TSPAN18: variants seen among roughly 807,000 people sequenced by gnomAD.
TSPAN18 encodes tetraspanin 18, also known as tetraspanin-18.
In TSPAN18, 14 loss-of-function variants were observed where a neutral mutation model predicts 27.3. That is an observed-to-expected ratio of 0.51 (90% CI 0.34 to 0.80). TSPAN18 has a LOEUF of 0.80. Ranked by LOEUF, TSPAN18 falls within the 30% of genes least tolerant of loss-of-function variation. The pLI is 0.01. For synonymous variants in TSPAN18, 143 were observed against 136.5 expected, an observed-to-expected ratio of 1.05 and a Z score of -0.33; for missense variants, 268 against 323.9, an observed-to-expected ratio of 0.83 and a Z score of 1.32.
Position 44,929,275 on chromosome 11 carries a change from G to T in TSPAN18, c.*97G>T. The T allele has an allele frequency of 6.7e-7, 1 of 1,499,020 alleles. No homozygotes were observed. The highest frequency in any genetic ancestry group is 9.2e-7 in the Non-Finnish European group (1 of 1,085,310). 92.9% of individuals were successfully genotyped at this position (1,499,020 alleles called of 1,614,324 possible). On this transcript the variant is annotated 3_prime_UTR_variant, in exon 10 of 10. Coordinates refer to ENST00000520358, the MANE Select transcript of TSPAN18 (RefSeq NM_130783.5). ...TCCCCGCTGTCCTCTTGGCCCCAGGGGAGAAGATGAGGCCATCAGAGATGG... is the reference window on the plus strand; with the variant it reads ...TCCCCGCTGTCCTCTTGGCCCCAGGTGAGAAGATGAGGCCATCAGAGATGG...
At chr11:44,840,752 C>T (rs1368281314) in intron 2 of TSPAN18, among the ~76,000 whole-genome samples, 7 of 152,222 alleles carry the variant, frequency 4.6e-5, no homozygotes, top group African/African-American at 1.2e-4. Context: ...CTTAACCTCA[C>T]TTTGCAGACA....
At chr11:44,745,512 T>C (rs1441295952) in intron 1 of TSPAN18, among the ~76,000 whole-genome samples, 3 of 152,120 alleles carry the variant, frequency 2.0e-5, no homozygotes, top group African/African-American at 7.2e-5. Context: ...AGCAAGAGAA[T>C]CTAAGGGAGT....
chr11:44,781,014 C>A (rs565423672), intron 2 of TSPAN18, among the ~76,000 whole-genome samples: 3 of 152,236 alleles, frequency 2.0e-5, no homozygotes, highest in Non-Finnish European at 2.9e-5. Context: ...TAAGAGAAAG[C>A]GGTTGCGAAA....
intron 2 of TSPAN18, among the ~76,000 whole-genome samples, chr11:44,769,513 C>T (rs1034726643): frequency 1.3e-5 from 2 of 152,152 alleles, no homozygotes; most frequent in Non-Finnish European, 2.9e-5. Context: ...CACCAGTGAA[C>T]TCACCTGGGC....
intron 2 of TSPAN18, among the ~76,000 whole-genome samples, chr11:44,786,203 G>T (rs1436722881): frequency 6.6e-6 from 1 of 152,250 alleles, no homozygotes; most frequent in Non-Finnish European, 1.5e-5. Flanking sequence ...GTGCCCAGTA[G>T]GCTGGGCATG....
intron 5 of TSPAN18, among the ~76,000 whole-genome samples, chr11:44,911,004 G>T (rs998501914): frequency 6.6e-6 from 1 of 152,220 alleles, no homozygotes; most frequent in Non-Finnish European, 1.5e-5. Context: ...TCTCGTTCTC[G>T]AGTCTCCTGG....
Position 44,833,000 on chromosome 11 carries a change from G to A in TSPAN18, c.-152-27328G>A, listed in dbSNP as rs532500848. On this transcript the variant is annotated intron_variant, in intron 2 of 9. Transcript: ENST00000520358. Reference sequence around the variant, plus strand: ...CCACACGCTGTCCTCTCCTGGGAATGCCCTTCTTCCCTTCTCTGCCTGCTT... The same window carrying A: ...CCACACGCTGTCCTCTCCTGGGAATACCCTTCTTCCCTTCTCTGCCTGCTT... Among the ~76,000 whole-genome samples the A allele has an allele frequency of 4.6e-5, 7 of 152,204 alleles. No homozygotes were observed. The East Asian group carries it at 1.4e-3, about 29-fold the overall frequency.
chr11:44,802,926 C>G (rs1282536314), intron 2 of TSPAN18, among the ~76,000 whole-genome samples: 1 of 152,058 alleles, frequency 6.6e-6, no homozygotes, highest in Non-Finnish European at 1.5e-5. Context: ...TGCACCAGCT[C>G]CAAGATGGTG....
intron 2 of TSPAN18, among the ~76,000 whole-genome samples, chr11:44,844,118 G>A (rs990017090): frequency 3.3e-5 from 5 of 152,184 alleles, no homozygotes; most frequent in African/African-American, 1.2e-4. Flanking sequence ...AATTACAAAA[G>A]TATTAATTTG....
At chr11:44,904,020 G>C (rs1859364199) in intron 3 of TSPAN18, 3 of 371,156 alleles carry the variant, frequency 8.1e-6, no homozygotes, top group Admixed American at 3.3e-5. Flanking sequence ...GTGGAGACTT[G>C]GGTGGATGAT....
intron 2 of TSPAN18, among the ~76,000 whole-genome samples, chr11:44,832,490 A>C (rs1372007507): frequency 6.6e-6 from 1 of 151,974 alleles, no homozygotes; most frequent in Non-Finnish European, 1.5e-5. Context: ...TAGACCCCCA[A>C]ATTCCACCTT....
chr11:44,910,677 G>A lies in TSPAN18; in HGVS notation c.258+778G>A, dbSNP rs144953487. 3.9e-3 allele frequency among the ~76,000 whole-genome samples: 595 copies of A among 152,360 alleles called. 2 individuals are homozygous for A. The highest frequency in any genetic ancestry group is 0.014 in the African/African-American group (571 of 41,576). ...TCTGAAACGGTATGATATGGCCTCT[G>A]AAGGTTTCTTATTCATCAAGTAAGT... On this transcript the variant is annotated intron_variant, in intron 5 of 9. Coordinates refer to ENST00000520358, the MANE Select transcript of TSPAN18 (RefSeq NM_130783.5).
intron 1 of TSPAN18, among the ~76,000 whole-genome samples, chr11:44,755,014 C>T (rs1017749780): frequency 2.0e-5 from 3 of 152,202 alleles, no homozygotes; most frequent in African/African-American, 7.2e-5. Context: ...CATGTGCTGT[C>T]TGCAGAAAAG....
intron 3 of TSPAN18, among the ~76,000 whole-genome samples, chr11:44,863,411 G>A (rs1857948420): frequency 6.6e-6 from 1 of 152,218 alleles, no homozygotes; most frequent in African/African-American, 2.4e-5. Context: ...ACTACAGCTT[G>A]GGTACGGAGT....
intron 1 of TSPAN18, among the ~76,000 whole-genome samples, chr11:44,750,662 T>G (rs773248105): frequency 4.0e-5 from 6 of 151,024 alleles, no homozygotes; most frequent in Non-Finnish European, 7.4e-5. Context: ...TCCACATGGA[T>G]TTAGCCAGCA....
intron 1 of TSPAN18, among the ~76,000 whole-genome samples, chr11:44,759,369 C>T (rs1445789478): frequency 6.6e-6 from 1 of 152,172 alleles, no homozygotes; most frequent in Non-Finnish European, 1.5e-5. Flanking sequence ...GACGTGGTCT[C>T]TCCTCAGACC....
chr11:44,834,364 C>G (rs1857220457), intron 2 of TSPAN18, among the ~76,000 whole-genome samples: 1 of 152,130 alleles, frequency 6.6e-6, no homozygotes. Flanking sequence ...AAGGAGAGAG[C>G]CACACGGGTT....
At chr11:44,882,627 C>CACGCAGAG (rs375349718) in intron 3 of TSPAN18, among the ~76,000 whole-genome samples, 2 of 130,608 alleles carry the variant, frequency 1.5e-5, no homozygotes, top group Non-Finnish European at 3.2e-5. Flanking sequence ...CACACACACA[C>CACGCAGAG]AGAGAGAGAG....
At chr11:44,819,459 C>T (rs1856882948) in intron 2 of TSPAN18, among the ~76,000 whole-genome samples, 1 of 152,128 alleles carries the variant, frequency 6.6e-6, no homozygotes, top group African/African-American at 2.4e-5. Context: ...GTGTCGGGTT[C>T]TTTAAAACTG....
Sources: gnomAD v4.1 joint callset for allele counts (sites outside exome capture counted in the v4.1 genomes callset) on GRCh38, gnomAD v4.1.1 for gene constraint, MANE v1.5 for transcripts, NCBI Gene and HGNC (gene_info 2026-07-23, HGNC 2026-07-21) for gene names.